The following BCAR3 variants were observed in gnomAD, a reference collection of about 807,000 sequenced individuals.
BCAR3 encodes breast cancer anti-estrogen resistance protein 3.
Under a neutral mutation model 80.1 loss-of-function variants are expected in BCAR3, and 37 were observed. The ratio of observed to expected loss-of-function variants is 0.46; its 90% CI spans 0.36 to 0.61. The LOEUF (loss-of-function observed/expected upper bound fraction) is 0.61, where lower values mean the gene tolerates loss of function less well. Ranked by LOEUF, BCAR3 falls within the 20% of genes least tolerant of loss-of-function variation. BCAR3 has a pLI of 0.00. For synonymous variants in BCAR3, 389 were observed against 418.9 expected, an observed-to-expected ratio of 0.93 and a Z score of 0.87; for missense variants, 978 against 1,068.2, an observed-to-expected ratio of 0.92 and a Z score of 1.18.
At chr1:93,846,802 G>C (rs1412463644) in intron 1 of BCAR3, 1 of 461,314 alleles carries the variant, frequency 2.2e-6, no homozygotes, top group Non-Finnish European at 4.5e-6. Context: ...CTGGCGGCAA[G>C]ACGAGCTCTC....
intron 1 of BCAR3, among the ~76,000 whole-genome samples, chr1:93,675,925 C>CAAAAAAAAAAAGAAAAAAAAAAAAAA (rs1648458566): frequency 1.9e-5 from 1 of 51,440 alleles, no homozygotes; most frequent in Admixed American, 2.9e-4. Flanking sequence ...AAATAGGAGA[C>CAAAAAAAAAAAGAAAAAAAAAAAAAA]AAAAAAAAAA....
intron 2 of BCAR3, among the ~76,000 whole-genome samples, chr1:93,657,299 T>A (rs1225358078): frequency 4.6e-5 from 7 of 152,134 alleles, no homozygotes; most frequent in African/African-American, 1.7e-4. Flanking sequence ...TAAAAAAACC[T>A]GAAGAAGTAG....
At chr1:93,598,202 G>T (rs1674499530) in intron 3 of BCAR3, among the ~76,000 whole-genome samples, 1 of 152,116 alleles carries the variant, frequency 6.6e-6, no homozygotes, top group African/African-American at 2.4e-5. Flanking sequence ...TTCAAATCAG[G>T]CACAACAATG....
At chr1:93,579,050 G>A (rs1427512595) in intron 7 of BCAR3, among the ~76,000 whole-genome samples, 2 of 152,152 alleles carry the variant, frequency 1.3e-5, no homozygotes, top group Admixed American at 6.5e-5. Context: ...CCTTGCGCAC[G>A]GTGGGAGGGG....
At chr1:93,697,180 G>C (rs1649443346) in intron 3 of BCAR3, among the ~76,000 whole-genome samples, 1 of 152,244 alleles carries the variant, frequency 6.6e-6, no homozygotes. Flanking sequence ...CATCTAAACA[G>C]GTGGTCCAGA....
intron 2 of BCAR3, among the ~76,000 whole-genome samples, chr1:93,759,935 A>G (rs1651878077): frequency 6.6e-6 from 1 of 152,180 alleles, no homozygotes; most frequent in African/African-American, 2.4e-5. Context: ...ATGGTCAATC[A>G]GAGATCTCCA....
At chr1:93,791,238 C>G (rs1046899774) in intron 2 of BCAR3, among the ~76,000 whole-genome samples, 1 of 73,998 alleles carries the variant, frequency 1.4e-5, no homozygotes, top group Non-Finnish European at 2.3e-5. Context: ...CACTGACTTC[C>G]ACAATGGTTG....
intron 2 of BCAR3, among the ~76,000 whole-genome samples, chr1:93,783,253 G>A (rs1462538334): frequency 2.6e-5 from 4 of 152,262 alleles, no homozygotes; most frequent in Middle Eastern, 3.4e-3. Context: ...CCAGCTAATC[G>A]TTATAGGGGG....
chr1:93,730,641 G>A (rs1650753903), intron 2 of BCAR3, among the ~76,000 whole-genome samples: 1 of 152,188 alleles, frequency 6.6e-6, no homozygotes, highest in South Asian at 2.1e-4. Flanking sequence ...TGCTCTACTT[G>A]AGGTCTGTGG....
rs778574001 is a variant in BCAR3, at chr1:93,592,246, A to G, written c.486+19T>C. 3.1e-6 allele frequency: 5 copies of G among 1,613,084 alleles called. No homozygotes were observed. In the Admixed American group the frequency reaches 8.3e-5, roughly 27 times the overall value. ...CTGAGAGCAGCCGTGTATGCTCTGG[A>G]AGGGACAAGACCAGGTACCTGTCGG... is the stretch of plus-strand genomic sequence containing the variant. On this transcript the variant is annotated intron_variant, in intron 4 of 11. Coordinates refer to ENST00000260502, the MANE Select transcript of BCAR3 (RefSeq NM_003567.4). This position sits in a 1 kb window ranked among gnomAD's most constrained non-coding sequence, Gnocchi z 4.8.
Position 93,561,978 on chromosome 1 carries a change from G to A in BCAR3, c.*263C>T. The A allele has an allele frequency of 3.3e-6, 1 of 304,562 alleles. No homozygotes were observed. Among genetic ancestry groups the A allele is most frequent in the Non-Finnish European group, 5.9e-6 (1 of 168,436 alleles). 18.9% of individuals were successfully genotyped at this position (304,562 alleles called of 1,614,324 possible). On this transcript the variant is annotated 3_prime_UTR_variant, in exon 12 of 12. Transcript: ENST00000260502. ...TAATAGAAAGCAACCAGCCAACATAGCTAGGTCTTCTCTTAAATTTGCTGA... is the reference window on the plus strand; with the variant it reads ...TAATAGAAAGCAACCAGCCAACATAACTAGGTCTTCTCTTAAATTTGCTGA...
intron 3 of BCAR3, among the ~76,000 whole-genome samples, chr1:93,597,530 C>G (rs1254617456): frequency 1.3e-5 from 2 of 152,204 alleles, no homozygotes; most frequent in East Asian, 3.8e-4. Flanking sequence ...GACATTAACT[C>G]TGTAGAGCCT....
chr1:93,845,863 G>C (rs147335024), intron 1 of BCAR3, among the ~76,000 whole-genome samples: 185 of 152,224 alleles, frequency 1.2e-3, no homozygotes, highest in Middle Eastern at 6.8e-3. Context: ...GGGGTCCAGG[G>C]AGCCAACTCA....
intron 2 of BCAR3, among the ~76,000 whole-genome samples, chr1:93,813,676 G>C (rs1337219623): frequency 2.0e-5 from 3 of 151,926 alleles, no homozygotes; most frequent in African/African-American, 7.3e-5. Flanking sequence ...TTAATATTTC[G>C]GGATCAAAGA....
chr1:93,827,541 C>A (rs1395170253), intron 2 of BCAR3, among the ~76,000 whole-genome samples: 4 of 152,060 alleles, frequency 2.6e-5, no homozygotes, highest in African/African-American at 9.7e-5. Flanking sequence ...GGGCAGGACC[C>A]TAGGCATCCT....
At chr1:93,809,136 A>G (rs1437588647) in intron 2 of BCAR3, among the ~76,000 whole-genome samples, 1 of 152,156 alleles carries the variant, frequency 6.6e-6, no homozygotes, top group Admixed American at 6.5e-5. Flanking sequence ...GGAACAGGAA[A>G]TGGGGCTTTA....
chr1:93,680,926 A>G lies in BCAR3; in HGVS notation c.-12+672T>C, dbSNP rs927614736. 4.6e-5 allele frequency among the ~76,000 whole-genome samples: 7 copies of G among 151,784 alleles called. No individual in the cohort carries two copies. In the East Asian group the frequency reaches 5.8e-4, roughly 13 times the overall value. On this transcript the variant is annotated intron_variant, in intron 1 of 11. Coordinates refer to ENST00000260502, the MANE Select transcript of BCAR3 (RefSeq NM_003567.4). Reference sequence around the variant, plus strand: ...CAGTTGGGCTGTACGATCTATCGGAACCTCCTTCCCACCGTCCCTCCCTTC... The same window carrying G: ...CAGTTGGGCTGTACGATCTATCGGAGCCTCCTTCCCACCGTCCCTCCCTTC...
chr1:93,708,709 T>C (rs1206614066), intron 2 of BCAR3, among the ~76,000 whole-genome samples: 1 of 152,184 alleles, frequency 6.6e-6, no homozygotes. Flanking sequence ...ACTTACCCTA[T>C]TCACCACCAC....
chr1:93,751,093 C>T (rs925189638), intron 2 of BCAR3, among the ~76,000 whole-genome samples: 3 of 152,344 alleles, frequency 2.0e-5, no homozygotes, highest in Middle Eastern at 3.4e-3. Flanking sequence ...TGCACACTCA[C>T]CTCCCTTCAT....
Sources: allele counts gnomAD v4.1 joint callset (sites outside exome capture counted in the v4.1 genomes callset), GRCh38; gene constraint gnomAD v4.1.1; non-coding constraint Gnocchi (gnomAD v3.1); transcripts MANE v1.5; gene names NCBI Gene and HGNC (gene_info 2026-07-23, HGNC 2026-07-21).